The following NAV3 variants were observed in gnomAD, a reference collection of about 807,000 sequenced individuals.
The protein encoded by NAV3 is neuron navigator 3, also known as pore membrane and/or filament interacting like protein 1.
Under a neutral mutation model 244.7 loss-of-function variants are expected in NAV3, and 87 were observed. The observed-to-expected ratio is 0.36, with a 90% confidence interval of 0.30 to 0.42. NAV3 has a LOEUF of 0.42. Ranked by LOEUF, NAV3 falls within the 20% of genes least tolerant of loss-of-function variation. The pLI, the probability that NAV3 is intolerant of heterozygous loss-of-function variation, is 1.00. For missense variants in NAV3, 2,663 were observed against 2,893.3 expected (o/e 0.92, Z 1.83); for synonymous variants, 1,126 against 1,042.2 (o/e 1.08, Z -1.55).
intron 8 of NAV3, among the ~76,000 whole-genome samples, chr12:78,012,174 A>G (rs7298477): frequency 0.097 from 14,752 of 152,176 alleles, 800 homozygotes; most frequent in South Asian, 0.12. Context: ...CCTTCTCCAT[A>G]CATCAAATTT....
chr12:77,952,077 A>AAC (rs1555239907), intron 3 of NAV3, among the ~76,000 whole-genome samples: 1 of 151,716 alleles, frequency 6.6e-6, no homozygotes, highest in Non-Finnish European at 1.5e-5. Flanking sequence ...TTAAAAAAAA[A>AAC]AAAAAAACAG....
chr12:78,041,383 G>A (rs987622735), intron 9 of NAV3, among the ~76,000 whole-genome samples: 1 of 152,294 alleles, frequency 6.6e-6, no homozygotes, highest in African/African-American at 2.4e-5. Flanking sequence ...CACCCAAAGT[G>A]AGGAATAATG....
intron 5 of NAV3, among the ~76,000 whole-genome samples, chr12:77,994,586 A>T (rs1165335304): frequency 7.6e-6 from 1 of 130,962 alleles, no homozygotes; most frequent in Non-Finnish European, 1.6e-5. Context: ...ACATTTTATG[A>T]CAAGGTGTGC....
At chr12:77,972,249 T>C (rs913953800) in intron 5 of NAV3, among the ~76,000 whole-genome samples, 1 of 152,118 alleles carries the variant, frequency 6.6e-6, no homozygotes, top group African/African-American at 2.4e-5. Flanking sequence ...GAGTTCTAAT[T>C]ATTAAGAGTT....
intron 5 of NAV3, among the ~76,000 whole-genome samples, chr12:77,980,272 G>A (rs116317177): frequency 1.9e-3 from 289 of 152,218 alleles, no homozygotes; most frequent in African/African-American, 6.0e-3. Context: ...ATAAACGTCA[G>A]TTCTATGGGA....
At position 78,089,454 on chromosome 12, in the gene NAV3, T is replaced by C. The variant is rs553865159; in HGVS notation, c.2637-27318T>C. ...GTATTTCTGATTTATCAAAAACTAA[T>C]CTATAAAGCCCCTAAATACTTAGGC... is the stretch of plus-strand genomic sequence containing the variant. On this transcript the variant is annotated intron_variant, in intron 12 of 39. Coordinates refer to ENST00000397909, the MANE Select transcript of NAV3 (RefSeq NM_001024383.2). Among the ~76,000 whole-genome samples the C allele has an allele frequency of 5.3e-5, 8 of 152,282 alleles. No homozygotes were observed. In the South Asian group the frequency reaches 1.7e-3, roughly 32 times the overall value.
intron 12 of NAV3, among the ~76,000 whole-genome samples, chr12:78,068,641 A>G (rs1952601474): frequency 6.8e-6 from 1 of 147,546 alleles, no homozygotes; most frequent in Non-Finnish European, 1.5e-5. Context: ...AATTACATAT[A>G]TATAATTTAT....
intron 5 of NAV3, among the ~76,000 whole-genome samples, chr12:77,991,315 C>T (rs575978557): frequency 4.3e-4 from 65 of 152,242 alleles, no homozygotes; most frequent in Non-Finnish European, 7.4e-4. Context: ...TGAGCCACTG[C>T]GCCCAGCCTA....
chr12:78,029,530 G>A (rs1007590364), intron 9 of NAV3, among the ~76,000 whole-genome samples: 1 of 152,126 alleles, frequency 6.6e-6, no homozygotes, highest in African/African-American at 2.4e-5. Flanking sequence ...TGACTCTGGG[G>A]TAAACATTTT....
chr12:78,145,278 T>G (rs1956818994), intron 20 of NAV3, among the ~76,000 whole-genome samples: 1 of 152,196 alleles, frequency 6.6e-6, no homozygotes, highest in African/African-American at 2.4e-5. Flanking sequence ...GTTTACATAT[T>G]TTTAAAGGTA....
At chr12:77,687,685 A>G (rs2137143181) in intron 2 of NAV3, among the ~76,000 whole-genome samples, 1 of 152,274 alleles carries the variant, frequency 6.6e-6, no homozygotes, top group South Asian at 2.1e-4. Flanking sequence ...CTCATGAGAA[A>G]AAACTGGACT....
intron 18 of NAV3, among the ~76,000 whole-genome samples, chr12:78,134,167 T>G (rs924572977): frequency 6.6e-6 from 1 of 152,178 alleles, no homozygotes; most frequent in African/African-American, 2.4e-5. Context: ...GCTTTTGTAC[T>G]CAAATCTTCC....
intron 2 of NAV3, among the ~76,000 whole-genome samples, chr12:77,731,764 T>C (rs1440956507): frequency 6.6e-6 from 1 of 152,004 alleles, no homozygotes; most frequent in East Asian, 1.9e-4. Flanking sequence ...TCCAAAAGTA[T>C]TCAACTTTTA....
At chr12:78,044,268 C>T (rs1408529550) in intron 9 of NAV3, among the ~76,000 whole-genome samples, 3 of 152,006 alleles carry the variant, frequency 2.0e-5, no homozygotes, top group African/African-American at 7.3e-5. Flanking sequence ...TCTGAGGGCT[C>T]TGTTCTGTTT....
chr12:77,769,774 A>G (rs1282009126), intron 2 of NAV3, among the ~76,000 whole-genome samples: 2 of 152,210 alleles, frequency 1.3e-5, no homozygotes, highest in Admixed American at 1.3e-4. Flanking sequence ...AGTCTTTATT[A>G]TTAGACAGTA....
intron 12 of NAV3, among the ~76,000 whole-genome samples, chr12:78,080,083 A>G (rs1460287710): frequency 6.6e-6 from 1 of 152,176 alleles, no homozygotes; most frequent in African/African-American, 2.4e-5. Flanking sequence ...TAAAATCTTA[A>G]ATTATAGCCA....
intron 9 of NAV3, among the ~76,000 whole-genome samples, chr12:78,024,007 C>T (rs1877584067): frequency 6.6e-6 from 1 of 152,118 alleles, no homozygotes; most frequent in African/African-American, 2.4e-5. Flanking sequence ...CACTTTCATG[C>T]ACTGCACTCT....
At chr12:77,981,426 G>C (rs530818036) in intron 5 of NAV3, among the ~76,000 whole-genome samples, 1 of 152,086 alleles carries the variant, frequency 6.6e-6, no homozygotes, top group East Asian at 1.9e-4. Context: ...TCTTAATTCT[G>C]AATATATGGT....
intron 2 of NAV3, among the ~76,000 whole-genome samples, chr12:77,602,223 A>G (rs960448629): frequency 6.6e-6 from 1 of 151,960 alleles, no homozygotes; most frequent in African/African-American, 2.4e-5. Context: ...TCCAGTCTGG[A>G]TGGCAATGTA....
Sources: gnomAD v4.1 joint callset for allele counts (sites outside exome capture counted in the v4.1 genomes callset) on GRCh38, gnomAD v4.1.1 for gene constraint, MANE v1.5 for transcripts, NCBI Gene and HGNC (gene_info 2026-07-23, HGNC 2026-07-21) for gene names.